The following CPAMD8 variants were observed in gnomAD, a reference collection of about 807,000 sequenced individuals.
CPAMD8 encodes C3 and PZP like alpha-2-macroglobulin domain containing 8, also known as C3 and PZP-like alpha-2-macroglobulin domain-containing protein 8.
Under a neutral mutation model 224.7 loss-of-function variants are expected in CPAMD8, and 146 were observed. The observed-to-expected ratio is 0.65, with a 90% CI of 0.57 to 0.75. The LOEUF is 0.75. CPAMD8 is among the 30% of genes least tolerant of loss of function. The pLI is 0.00. For synonymous variants in CPAMD8, 966 were observed against 1,044.6 expected (o/e 0.92, Z 1.45); for missense variants, 2,301 against 2,537.5 (o/e 0.91, Z 2.00).
chr19:16,995,211 G>T (rs148278041), intron 11 of CPAMD8, among the ~76,000 whole-genome samples: 63 of 152,226 alleles, frequency 4.1e-4, no homozygotes, highest in African/African-American at 1.5e-3. Context: ...AGAACAAGAG[G>T]GTCAGAACTC....
chr19:16,944,718 G>A (rs1236906095), intron 22 of CPAMD8, among the ~76,000 whole-genome samples: 11 of 133,772 alleles, frequency 8.2e-5, no homozygotes, highest in Admixed American at 1.4e-4. Context: ...ACACTACAGC[G>A]GTGACCTGTC....
chr19:16,911,523 G>A (rs946407663), intron 29 of CPAMD8, among the ~76,000 whole-genome samples: 43 of 151,028 alleles, frequency 2.8e-4, no homozygotes, highest in African/African-American at 1.0e-3. Flanking sequence ...CACCACACAA[G>A]CTAATTTTTG....
chr19:16,980,670 T>G lies in CPAMD8; in HGVS notation c.1412A>C (p.Tyr471Ser). 1 of 1,547,356 alleles carries G rather than the reference T, an allele frequency of 6.5e-7. No homozygotes were observed. The highest frequency in any genetic ancestry group is 1.4e-5 in the African/African-American group (1 of 71,720). The stretch of plus-strand genomic sequence containing the variant: ...GGGACATGTGGACTTCACAGAAAAA[T>G]AGGCTTCTTCCCCAACCTATGGAAG... Reference protein sequence around the residue: ...SHPLQVGEEAYFSVKSTCPCN... With the variant: ...SHPLQVGEEASFSVKSTCPCN... The change falls in exon 14 of 42, where the codon TAT becomes TCT. Residue 471 changes from tyrosine to serine, a missense_variant. This residue lies in a region of CPAMD8 where 301 missense variants were observed against 406.6 expected (regional missense o/e 0.74). Coordinates refer to ENST00000443236, the MANE Select transcript of CPAMD8 (RefSeq NM_015692.5).
intron 2 of CPAMD8, among the ~76,000 whole-genome samples, chr19:17,021,692 G>C (rs1318188126): frequency 6.6e-6 from 1 of 152,194 alleles, no homozygotes; most frequent in African/African-American, 2.4e-5. Context: ...CCCAACAAAA[G>C]GTCAGAGGGG....
At chr19:17,025,139 G>A (rs992082983) in intron 1 of CPAMD8, among the ~76,000 whole-genome samples, 5 of 152,164 alleles carry the variant, frequency 3.3e-5, no homozygotes, top group Non-Finnish European at 7.4e-5. Context: ...GGCCAGGCAC[G>A]GTGACTCACG....
rs1277797163 is a variant in CPAMD8 at position 16,914,494 on chromosome 19, C to T, written c.3791G>A (p.Gly1264Glu). ...GRVLNKDIQG[G>E]IHGTVPLTAY... ...TGTCAGCGGGACAGTGCCGTGGATC[C>T]CACCCTGCAAGGGGACTCACAGGCC... The change falls in exon 29 of 42, where the codon GGG becomes GAG. Residue 1264 changes from glycine (G) to glutamate (E), a missense_variant. This residue lies in a region of CPAMD8 where 1,709 missense variants were observed against 1,753.2 expected (regional missense o/e 0.97). Transcript: ENST00000443236. The T allele has an allele frequency of 1.9e-6, 3 of 1,613,972 alleles. No homozygotes were observed. The highest frequency in any genetic ancestry group is 2.5e-6 in the Non-Finnish European group (3 of 1,179,980).
intron 27 of CPAMD8, among the ~76,000 whole-genome samples, chr19:16,915,880 TTTTC>T (rs754433749): frequency 4.6e-5 from 7 of 151,198 alleles, no homozygotes; most frequent in Admixed American, 1.3e-4. Context: ...TCTTTCTCTC[TTTTC>T]TTTCTTTTTC....
At chr19:16,908,012 C>T (rs960269803) in intron 29 of CPAMD8, among the ~76,000 whole-genome samples, 3 of 152,178 alleles carry the variant, frequency 2.0e-5, no homozygotes, top group African/African-American at 7.2e-5. Context: ...GGGAAGCAGG[C>T]AGAGTCCTGG....
chr19:16,963,009 A>C (rs1418101379), intron 18 of CPAMD8, among the ~76,000 whole-genome samples: 1 of 152,216 alleles, frequency 6.6e-6, no homozygotes, highest in African/African-American at 2.4e-5. Context: ...TTTTGTCACC[A>C]CCAGGCCTGC....
intron 23 of CPAMD8, among the ~76,000 whole-genome samples, chr19:16,937,086 TTCC>T: frequency 6.7e-6 from 1 of 149,820 alleles, no homozygotes; most frequent in Non-Finnish European, 1.5e-5. Flanking sequence ...CCTTCCTTCC[TTCC>T]TCCTTCCTTC....
chr19:16,928,626 T>G (rs1019678717), intron 24 of CPAMD8, among the ~76,000 whole-genome samples: 38 of 152,136 alleles, frequency 2.5e-4, no homozygotes, highest in African/African-American at 9.2e-4. Flanking sequence ...CTGTGTTAGC[T>G]TCTATATCTT....
intron 9 of CPAMD8, among the ~76,000 whole-genome samples, chr19:17,001,437 A>C (rs1203497618): frequency 2.7e-5 from 1 of 37,318 alleles, no homozygotes; most frequent in African/African-American, 1.3e-4. Context: ...CTTGGGGGAG[A>C]GGGGAACATG....
intron 12 of CPAMD8, among the ~76,000 whole-genome samples, chr19:16,991,986 T>C (rs1274674502): frequency 6.6e-6 from 1 of 152,132 alleles, no homozygotes; most frequent in African/African-American, 2.4e-5. Flanking sequence ...GTGGCTTCAG[T>C]GGTTAAAACC....
At position 16,897,461 on chromosome 19, in the gene CPAMD8, C is replaced by A. The variant is rs944020241; in HGVS notation, c.5065+230G>T. 7.2e-5 allele frequency: 40 copies of A among 552,940 alleles called. 1 individual carries two copies. The highest frequency in any genetic ancestry group is 7.1e-4 in the African/African-American group (35 of 49,134). The allele number at this position is 552,940 out of a possible 1,614,324, so 34.3% of individuals were successfully genotyped here. A position where few individuals can be genotyped will look rare whatever the true frequency, so the allele number is the denominator to read the frequency against. ...TATACTGACCATTCCCCAGCCACTT[C>A]CCTTCCGCACTTACCACTCCCCCAG... On this transcript the variant is annotated intron_variant, in intron 39 of 41. Coordinates refer to ENST00000443236, the MANE Select transcript of CPAMD8 (RefSeq NM_015692.5).
intron 26 of CPAMD8, 136 bp downstream of exon 26, chr19:16,925,060 T>G: frequency 4.6e-6 from 4 of 865,086 alleles, no homozygotes; most frequent in Non-Finnish European, 7.5e-6. Context: ...AGGGCCACCC[T>G]GAATGGCCTC....
intron 41 of CPAMD8, chr19:16,894,581 G>T (rs1232223388): frequency 2.3e-6 from 1 of 425,536 alleles, no homozygotes; most frequent in African/African-American, 2.0e-5. Flanking sequence ...CTGGATGGGG[G>T]ACACATGGCC....
rs573089257 is a variant in CPAMD8, at chr19:16,912,040, C to T, written c.3861+2384G>A. Among the ~76,000 whole-genome samples, 7 of 152,306 alleles carry T rather than the reference C, an allele frequency of 4.6e-5. No homozygotes were observed. The South Asian group carries it at 1.2e-3, about 27-fold the overall frequency. On this transcript the variant is annotated intron_variant, in intron 29 of 41. Transcript: ENST00000443236. ...ATCTGTCACTGTCTCCCATCACTCC[C>T]AGAAAGGACAGTCTAGTTGCAGGAA...
intron 23 of CPAMD8, 72 bp downstream of exon 23, chr19:16,938,323 G>A (rs1481718838): frequency 3.9e-6 from 3 of 768,500 alleles, no homozygotes; most frequent in Non-Finnish European, 6.2e-6. Context: ...CACAGTGTGG[G>A]AAAGGGGGAA....
At chr19:16,946,335 ATATG>A (rs199969202) in intron 21 of CPAMD8, among the ~76,000 whole-genome samples, 1,633 of 136,664 alleles carry the variant, frequency 0.012, 40 homozygotes, top group African/African-American at 0.044. Context: ...ATTTGTTTGT[ATATG>A]TATGTATGTC....
Sources: allele counts gnomAD v4.1 joint callset (sites outside exome capture counted in the v4.1 genomes callset), GRCh38; gene constraint gnomAD v4.1.1; regional missense constraint gnomAD v4.1.1; transcripts MANE v1.5; gene names NCBI Gene and HGNC (gene_info 2026-07-23, HGNC 2026-07-21).